Variants in LST1 observed in about 807,000 individuals in gnomAD.
LST1 encodes the protein leukocyte-specific transcript 1 protein.
LST1 carries 9 observed loss-of-function variants against 8.5 expected under a neutral mutation model. The ratio of observed to expected loss-of-function variants is 1.06; its 90% CI spans 0.64 to 1.85. The LOEUF (loss-of-function observed/expected upper bound fraction) is 1.85, where lower values mean the gene tolerates loss of function less well. Ranked by LOEUF, LST1 falls within the 40% of genes most tolerant of loss-of-function variation. The pLI, the probability that LST1 is intolerant of heterozygous loss-of-function variation, is 0.00. For synonymous variants in LST1, 53 were observed against 50.4 expected (o/e 1.05, Z -0.21); for missense variants, 121 against 117.1 (o/e 1.03, Z -0.16).
At chr6:31,587,804 C>T (rs373604188) in intron 3 of LST1, 71 bp downstream of exon 3, 10 of 1,502,404 alleles carry the variant, frequency 6.7e-6, no homozygotes, top group East Asian at 4.7e-5. Flanking sequence ...CGCTTTCCCA[C>T]TGCTTTCCCA....
chr6:31,588,886 A>G lies in LST1; in HGVS notation c.*210A>G. 6.8e-6 allele frequency: 6 copies of G among 881,436 alleles called. No individual in the cohort carries two copies. The South Asian group carries it at 9.4e-5, about 14-fold the overall frequency. The allele number at this position is 881,436 out of a possible 1,614,324, so 54.6% of individuals were successfully genotyped here. A position where few individuals can be genotyped will look rare whatever the true frequency, so the allele number is the denominator to read the frequency against. On this transcript the variant is annotated 3_prime_UTR_variant, in exon 5 of 5. Coordinates refer to ENST00000438075, the MANE Select transcript of LST1 (RefSeq NM_205839.3). ...TTTTTTAAAAATTAAAATAAAAAAA[A>G]CACATGGCTCACCCTTCCACCCACT... is the stretch of plus-strand genomic sequence containing the variant.
chr6:31,588,829 C>T lies in LST1; in HGVS notation c.*153C>T. ...TTGATCATCATCAAAACTTATGTGG[C>T]TTTTTGACCTTTGAATAGGGAATTT... On this transcript the variant is annotated 3_prime_UTR_variant, in exon 5 of 5. Transcript: ENST00000438075. 1.1e-6 allele frequency: 1 copy of T among 949,028 alleles called. No individual in the cohort carries two copies. Among genetic ancestry groups the T allele is most frequent in the Non-Finnish European group, 1.6e-6 (1 of 621,284 alleles). The allele number at this position is 949,028 out of a possible 1,614,324, so 58.8% of individuals were successfully genotyped here.
intron 4 of LST1, 179 bp downstream of exon 4, chr6:31,588,145 C>A: frequency 8.1e-6 from 5 of 614,326 alleles, no homozygotes; most frequent in Non-Finnish European, 1.4e-5. Context: ...AGACAGAAAC[C>A]AAGAGAAAAA....
intron 4 of LST1, 170 bp downstream of exon 4, chr6:31,588,136 G>A: frequency 1.5e-6 from 1 of 651,198 alleles, no homozygotes; most frequent in Non-Finnish European, 2.5e-6. Context: ...GAGAAAATGA[G>A]ACAGAAACCA....
rs1182582038 is a variant in LST1, at chr6:31,588,794, T to A, written c.*118T>A. 19 of 1,184,008 alleles carry A rather than the reference T, an allele frequency of 1.6e-5. No individual in the cohort carries two copies. The East Asian group carries it at 4.3e-4, about 27-fold the overall frequency. The allele number at this position is 1,184,008 out of a possible 1,614,324, so 73.3% of individuals were successfully genotyped here. A position where few individuals can be genotyped will look rare whatever the true frequency, so the allele number is the denominator to read the frequency against. On this transcript the variant is annotated 3_prime_UTR_variant, in exon 5 of 5. Coordinates refer to ENST00000438075, the MANE Select transcript of LST1 (RefSeq NM_205839.3). ...CAGTCCTCTCAGTCCATCTCGAGCC[T>A]CCGTTCAAATTGATCATCATCAAAA...
chr6:31,587,099 G>C, intron 1 of LST1, 101 bp from the exon 2 acceptor site: 1 of 626,042 alleles, frequency 1.6e-6, no homozygotes, highest in Non-Finnish European at 2.9e-6. Context: ...ATGTTCTGGG[G>C]ATTAGCAGTG....
At chr6:31,588,369 GAAAA>G in intron 4 of LST1, 145 bp from the exon 5 acceptor site, 1 of 772,838 alleles carries the variant, frequency 1.3e-6, no homozygotes, top group Non-Finnish European at 2.0e-6. Flanking sequence ...TGTCTCCAAA[GAAAA>G]AAGAGAGAGA....
At chr6:31,588,289 G>T in intron 4 of LST1, 1 of 614,010 alleles carries the variant, frequency 1.6e-6, no homozygotes, top group Non-Finnish European at 2.9e-6. Flanking sequence ...TCCAGCTATC[G>T]CAAGGCTGAG....
In LST1 at chr6:31,588,402, G is replaced by GAGA. The variant is rs1562499278; in HGVS notation, c.136-116_136-115insAGA. 8.2e-5 allele frequency: 69 copies of GAGA among 845,670 alleles called. No homozygotes were observed. In the African/African-American group the frequency reaches 1.2e-3, roughly 15 times the overall value. The allele number at this position is 845,670 out of a possible 1,614,324, so 52.4% of individuals were successfully genotyped here. A position where few individuals can be genotyped will look rare whatever the true frequency, so the allele number is the denominator to read the frequency against. On this transcript the variant is annotated intron_variant, in intron 4 of 4. Transcript: ENST00000438075. Reference sequence around the variant, plus strand: ...AGAGAGAGAGAGAGAGAGAGAGAGAGGGAGAGAGAGAGAGAGAGAGGGAGA... The same window carrying GAGA: ...AGAGAGAGAGAGAGAGAGAGAGAGAGAGAGGAGAGAGAGAGAGAGAGAGGGAGA...
intron 4 of LST1, chr6:31,588,229 A>G (rs1217340865): frequency 5.7e-6 from 3 of 529,166 alleles, no homozygotes; most frequent in Non-Finnish European, 1.0e-5. Flanking sequence ...AATGAAAGAG[A>G]GAGAGAGAGA....
At chr6:31,587,478 A>G (rs1017262477) in intron 2 of LST1, 160 bp downstream of exon 2, 2 of 914,428 alleles carry the variant, frequency 2.2e-6, no homozygotes, top group African/African-American at 1.6e-5. Flanking sequence ...GAAACCTGGT[A>G]AGAGGTGAGG....
At chr6:31,588,397 AGAGAGG>A (rs1280158467) in intron 4 of LST1, 115 bp from the exon 5 acceptor site, 20 of 875,902 alleles carry the variant, frequency 2.3e-5, no homozygotes, top group African/African-American at 1.6e-4. Flanking sequence ...AGAGAGAGAG[AGAGAGG>A]GAGAGAGAGA....
intron 3 of LST1, 62 bp from the exon 4 acceptor site, chr6:31,587,882 C>G: frequency 3.2e-6 from 5 of 1,575,968 alleles, no homozygotes; most frequent in Non-Finnish European, 4.3e-6. Flanking sequence ...GTGGGGGGAG[C>G]CCGGGAGGGC....
At chr6:31,588,387 A>AGG (rs1198720886) in intron 4 of LST1, 131 bp from the exon 5 acceptor site, 1 of 860,024 alleles carries the variant, frequency 1.2e-6, no homozygotes, top group Non-Finnish European at 1.8e-6. Flanking sequence ...AGAGAGAGAG[A>AGG]GAGAGAGAGA....
chr6:31,588,015 G>A (rs760780641), intron 4 of LST1, 49 bp downstream of exon 4: 3 of 1,564,086 alleles, frequency 1.9e-6, no homozygotes, highest in Admixed American at 1.9e-5. Context: ...TCCTGAGTGG[G>A]TGAGTGGGGA....
Position 31,588,401 on chromosome 6 carries a change from AGG to A in LST1, c.136-115_136-114del, listed in dbSNP as rs9281527. The A allele has an allele frequency of 6.5e-3, 4,739 of 728,178 alleles. 1 individual carries two copies. Among genetic ancestry groups the A allele is most frequent in the Middle Eastern group, 0.012 (27 of 2,302 alleles). The allele number at this position is 728,178 out of a possible 1,614,324, so 45.1% of individuals were successfully genotyped here. A position where few individuals can be genotyped will look rare whatever the true frequency, so the allele number is the denominator to read the frequency against. The stretch of plus-strand genomic sequence containing the variant: ...GAGAGAGAGAGAGAGAGAGAGAGAG[AGG>A]GAGAGAGAGAGAGAGAGAGGGAGAG... On this transcript the variant is annotated intron_variant, in intron 4 of 4. Transcript: ENST00000438075.
At chr6:31,587,345 A>C (rs756069877) in intron 2 of LST1, 27 bp downstream of exon 2, 1 of 1,612,654 alleles carries the variant, frequency 6.2e-7, no homozygotes, top group African/African-American at 1.3e-5. Context: ...TTGCATCTGC[A>C]TAGAGAGAGT....
chr6:31,588,418 G>A (rs1046058046), intron 4 of LST1, 100 bp from the exon 5 acceptor site: 12 of 1,267,980 alleles, frequency 9.5e-6, no homozygotes, highest in Non-Finnish European at 1.2e-5. Context: ...GAGAGAGAGA[G>A]AGAGGGAGAG....
rs1220291746 is a variant in LST1 at position 31,587,640 on chromosome 6, G to A, written c.20-1G>A. 7 of 1,590,104 alleles carry A rather than the reference G, an allele frequency of 4.4e-6. No homozygotes were observed. Among genetic ancestry groups the A allele is most frequent in the Non-Finnish European group, 6.0e-6 (7 of 1,165,540 alleles). On this transcript the variant is annotated splice_acceptor_variant, in intron 2 of 4. Transcript: ENST00000438075. LOFTEE classifies it high-confidence loss of function. ...CTAACCTTGAGCCCTCTTCCCTGAA[G>A]ATATATGTATCTACGGGGGCCTGGG...
Sources: allele counts gnomAD v4.1 joint callset, GRCh38; gene constraint gnomAD v4.1.1; transcripts MANE v1.5; gene names NCBI Gene and HGNC (gene_info 2026-07-23, HGNC 2026-07-21).